The following KLHL14 variants were observed in gnomAD, a reference collection of about 807,000 sequenced individuals.
KLHL14 encodes the protein kelch like family member 14.
A neutral mutation model predicts 64.3 loss-of-function variants in KLHL14; 22 were observed. The observed-to-expected ratio is 0.34, with a 90% CI of 0.24 to 0.49. KLHL14 has a LOEUF of 0.49. Among genes scored for constraint, KLHL14 ranks in the 20% least tolerant of loss-of-function variants. The probability of loss-of-function intolerance (pLI) is 0.99; values close to 1 mark genes in which losing one functional copy is unlikely to be tolerated. For missense variants in KLHL14, 661 were observed against 789.0 expected (o/e 0.84, Z 1.94); for synonymous variants, 322 against 333.4 (o/e 0.97, Z 0.37).
chr18:32,770,924 A>C lies in KLHL14; in HGVS notation c.-43-290T>G, dbSNP rs2050380824. On this transcript the variant is annotated intron_variant, in intron 1 of 8. Transcript: ENST00000359358. This position sits in a 1 kb window ranked among gnomAD's most constrained non-coding sequence, Gnocchi z 6.7. ...CACACTTCGTCCCTCACTTTCCTAA[A>C]ACCAACCACCTCAGCTCGGCTGTTG... is the stretch of plus-strand genomic sequence containing the variant. The C allele has an allele frequency of 4.4e-6, 2 of 451,816 alleles. No individual in the cohort carries two copies. The highest frequency in any genetic ancestry group is 1.9e-5 in the South Asian group (1 of 52,926). The allele number at this position is 451,816 out of a possible 1,614,324, so 28.0% of individuals were successfully genotyped here.
chr18:32,771,335 C>T (rs549409338), intron 1 of KLHL14, among the ~76,000 whole-genome samples: 26 of 152,250 alleles, frequency 1.7e-4, no homozygotes, highest in African/African-American at 6.0e-4. Flanking sequence ...CGGTGAGGAC[C>T]CGCTCAGTGG....
chr18:32,770,646 G>A lies in KLHL14; in HGVS notation c.-43-12C>T. ...AACCCTCCTCCAACCTGGCAGACAG[G>A]GGTGGGGGATGGGAGGGAGGGGAGC... On this transcript the variant is annotated splice_polypyrimidine_tract_variant and intron_variant, in intron 1 of 8. Coordinates refer to ENST00000359358, the MANE Select transcript of KLHL14 (RefSeq NM_020805.3). The surrounding 1 kb of genome is among the most constrained non-coding windows in gnomAD (Gnocchi z 6.7). The A allele has an allele frequency of 1.4e-6, 2 of 1,477,580 alleles. No individual in the cohort carries two copies. The highest frequency in any genetic ancestry group is 2.4e-5 in the East Asian group (1 of 41,674). The allele number at this position is 1,477,580 out of a possible 1,614,324, so 91.5% of individuals were successfully genotyped here.
At chr18:32,693,236 T>C (rs2049917307) in intron 4 of KLHL14, among the ~76,000 whole-genome samples, 1 of 152,114 alleles carries the variant, frequency 6.6e-6, no homozygotes, top group South Asian at 2.1e-4. Context: ...TAACCAGTTC[T>C]CCTCTATTTA....
chr18:32,762,125 C>G (rs1269243108), intron 2 of KLHL14, among the ~76,000 whole-genome samples: 1 of 152,002 alleles, frequency 6.6e-6, no homozygotes, highest in Admixed American at 6.6e-5. Context: ...ATCTTATTAA[C>G]TCAGATTACA....
intron 3 of KLHL14, among the ~76,000 whole-genome samples, chr18:32,706,090 T>C (rs2049988770): frequency 6.6e-6 from 1 of 152,258 alleles, no homozygotes; most frequent in African/African-American, 2.4e-5. Flanking sequence ...TTGCACTTAT[T>C]TGACTTTAAA....
chr18:32,753,428 C>G (rs1473902768), intron 2 of KLHL14, among the ~76,000 whole-genome samples: 2 of 152,188 alleles, frequency 1.3e-5, no homozygotes. Flanking sequence ...TCTCATCCCG[C>G]CCCTGTGGCT....
In KLHL14 at chr18:32,770,087, C is replaced by T; in HGVS notation, c.505G>A (p.Val169Ile). The T allele has an allele frequency of 1.2e-6, 2 of 1,614,146 alleles. No homozygotes were observed. Among genetic ancestry groups the T allele is most frequent in the Non-Finnish European group, 1.7e-6 (2 of 1,180,022 alleles). The stretch of plus-strand genomic sequence containing the variant: ...AGGAACTGCACGCAGAGCTTGGTGA[C>T]CTGGGGGATGTGCAGGATCTTGCTG... ...SVSKILHIPQVTKLCVQFLND... is the reference protein window; with the variant it reads ...SVSKILHIPQITKLCVQFLND... Residue 169 changes from valine (V) to isoleucine (I), a missense_variant, in exon 2 of 9, where the codon GTC becomes ATC. Val to Ile is a conservative substitution (Grantham distance 29). This residue lies in a region of KLHL14 where 331 missense variants were observed against 339.0 expected (regional missense o/e 0.98). Coordinates refer to ENST00000359358, the MANE Select transcript of KLHL14 (RefSeq NM_020805.3). The surrounding 1 kb of genome is among the most constrained non-coding windows in gnomAD (Gnocchi z 6.7).
At chr18:32,743,317 G>T (rs1288889315) in intron 2 of KLHL14, 1 of 152,250 alleles carries the variant, frequency 6.6e-6, no homozygotes, top group Non-Finnish European at 1.5e-5. Context: ...AATGCTTGGC[G>T]AAGTATGCCC....
At chr18:32,689,594 T>C (rs1349457968) in intron 4 of KLHL14, among the ~76,000 whole-genome samples, 5 of 152,114 alleles carry the variant, frequency 3.3e-5, no homozygotes, top group Admixed American at 6.5e-5. Flanking sequence ...CTTAGGACTT[T>C]TGCAATAGAA....
chr18:32,719,139 G>A (rs778957723), intron 3 of KLHL14, among the ~76,000 whole-genome samples: 1 of 152,158 alleles, frequency 6.6e-6, no homozygotes, highest in African/African-American at 2.4e-5. Flanking sequence ...GTAGAGACGG[G>A]GTTTCTCCAT....
chr18:32,690,078 A>C (rs1193901501), intron 4 of KLHL14, among the ~76,000 whole-genome samples: 2 of 152,270 alleles, frequency 1.3e-5, no homozygotes, highest in African/African-American at 4.8e-5. Flanking sequence ...ATTGCCAGGC[A>C]AATACAGAGG....
In KLHL14 at chr18:32,726,089, G is replaced by C. The variant is rs182187184; in HGVS notation, c.1069+15839C>G. ...TCATGACCTTAGATTATAGTGCAAG[G>C]GTTAGCAAATACGGCCTGTTGGCCA... is the stretch of plus-strand genomic sequence containing the variant. On this transcript the variant is annotated intron_variant, in intron 3 of 8. Transcript: ENST00000359358. 3.1e-3 allele frequency among the ~76,000 whole-genome samples: 469 copies of C among 152,314 alleles called. 1 individual carries two copies. The highest frequency in any genetic ancestry group is 4.8e-3 in the Non-Finnish European group (326 of 68,024).
intron 2 of KLHL14, among the ~76,000 whole-genome samples, chr18:32,760,664 C>T (rs543483042): frequency 5.3e-5 from 8 of 152,234 alleles, no homozygotes; most frequent in East Asian, 1.9e-4. Flanking sequence ...CCCTCACAGG[C>T]GCTCTGGGAG....
At chr18:32,756,307 C>T (rs1020569256) in intron 2 of KLHL14, among the ~76,000 whole-genome samples, 2 of 152,190 alleles carry the variant, frequency 1.3e-5, no homozygotes, top group Admixed American at 6.5e-5. Flanking sequence ...GAAATCAACC[C>T]TGCTGGCACC....
chr18:32,718,194 A>G (rs1033400776), intron 3 of KLHL14, among the ~76,000 whole-genome samples: 4 of 152,162 alleles, frequency 2.6e-5, no homozygotes, highest in Non-Finnish European at 5.9e-5. Flanking sequence ...TCTCTGCTCA[A>G]AGATTTTTGG....
chr18:32,771,801 G>T (rs2050387915), intron 1 of KLHL14, among the ~76,000 whole-genome samples: 5 of 151,530 alleles, frequency 3.3e-5, no homozygotes, highest in Non-Finnish European at 5.9e-5. Context: ...TCGAACGAGC[G>T]GGGGGGCGGG....
At chr18:32,682,837 C>T (rs963335555) in intron 5 of KLHL14, among the ~76,000 whole-genome samples, 7 of 151,804 alleles carry the variant, frequency 4.6e-5, no homozygotes, top group Admixed American at 1.3e-4. Context: ...ATTTTTTTTC[C>T]AACACTGACA....
In KLHL14 at chr18:32,770,298, C is replaced by G. The variant is rs569840558; in HGVS notation, c.294G>C (p.Pro98=). 2 of 1,586,440 alleles carry G rather than the reference C, an allele frequency of 1.3e-6. No homozygotes were observed. Among genetic ancestry groups the G allele is most frequent in the East Asian group, 2.2e-5 (1 of 44,628 alleles). ...PQQQPSQQQQ[P]PPQEEPGTPS... is the part of the protein sequence containing the mutation. ...GAGTCCCGGGCTCCTCCTGCGGCGG[C>G]GGCTGCTGCTGCTGTGACGGCTGCT... is the stretch of plus-strand genomic sequence containing the variant. The change falls in exon 2 of 9, where the codon CCG becomes CCC. Residue 98 remains proline, a synonymous_variant. Transcript: ENST00000359358. This position sits in a 1 kb window ranked among gnomAD's most constrained non-coding sequence, Gnocchi z 6.7.
chr18:32,711,683 T>C (rs971436067), intron 3 of KLHL14, among the ~76,000 whole-genome samples: 4 of 152,196 alleles, frequency 2.6e-5, no homozygotes, highest in Non-Finnish European at 5.9e-5. Context: ...TAGCAAGGCC[T>C]AAATCCATTA....
Sources: gnomAD v4.1 joint callset for allele counts (sites outside exome capture counted in the v4.1 genomes callset) on GRCh38, gnomAD v4.1.1 for gene constraint, gnomAD v4.1.1 regional missense constraint, Gnocchi (gnomAD v3.1) non-coding constraint, MANE v1.5 for transcripts, NCBI Gene and HGNC (gene_info 2026-07-23, HGNC 2026-07-21) for gene names.